The following CDH4 variants were observed in gnomAD, a reference collection of about 807,000 sequenced individuals.
CDH4 encodes the protein cadherin 4.
In CDH4, 33 loss-of-function variants were observed where a neutral mutation model predicts 86.0. That is an observed-to-expected ratio of 0.38 (90% CI 0.29 to 0.51). The LOEUF (loss-of-function observed/expected upper bound fraction) is 0.51, where lower values mean the gene tolerates loss of function less well. Among genes scored for constraint, CDH4 ranks in the 20% least tolerant of loss-of-function variants. The pLI is 0.86. For missense variants in CDH4, 1,114 were observed against 1,307.4 expected (o/e 0.85, Z 2.28); for synonymous variants, 555 against 549.4 (o/e 1.01, Z -0.14).
At chr20:61,858,155 CTG>C (rs1373546879) in intron 6 of CDH4, among the ~76,000 whole-genome samples, 1 of 112,506 alleles carries the variant, frequency 8.9e-6, no homozygotes, top group Non-Finnish European at 1.8e-5. Flanking sequence ...GTGTCTGTGT[CTG>C]TGTGTCTCTG....
At chr20:61,917,897 G>C (rs1025930472) in intron 9 of CDH4, among the ~76,000 whole-genome samples, 2 of 152,246 alleles carry the variant, frequency 1.3e-5, no homozygotes, top group African/African-American at 4.8e-5. Context: ...TCCTTGCTCA[G>C]GCTGGTGACA....
intron 2 of CDH4, among the ~76,000 whole-genome samples, chr20:61,346,221 G>A (rs531113396): frequency 6.6e-6 from 1 of 152,152 alleles, no homozygotes; most frequent in Non-Finnish European, 1.5e-5. Flanking sequence ...GGGAACAGCA[G>A]AGGCAGGGGA....
At chr20:61,717,235 G>A (rs539266104) in intron 2 of CDH4, among the ~76,000 whole-genome samples, 26 of 152,310 alleles carry the variant, frequency 1.7e-4, no homozygotes, top group South Asian at 4.2e-4. Flanking sequence ...GCAGGGGAGC[G>A]GGAGCAGCCC....
chr20:61,719,830 AT>A (rs2088010961), intron 2 of CDH4: 1 of 152,144 alleles, frequency 6.6e-6, no homozygotes, highest in Non-Finnish European at 1.5e-5. Flanking sequence ...TTCGCTTGTA[AT>A]TGTTTTTTAA....
chr20:61,296,284 C>CGTGCGT (rs2084353427), intron 2 of CDH4, among the ~76,000 whole-genome samples: 1 of 86,192 alleles, frequency 1.2e-5, no homozygotes, highest in African/African-American at 4.7e-5. Flanking sequence ...TGCGTGGGTG[C>CGTGCGT]GTGTGTGTGT....
chr20:61,371,163 G>A (rs748641825), intron 2 of CDH4, among the ~76,000 whole-genome samples: 27 of 151,916 alleles, frequency 1.8e-4, no homozygotes, highest in South Asian at 4.1e-4. Flanking sequence ...GAGCCCTGCA[G>A]AAGGCTCTAG....
At chr20:61,387,433 CACAA>C (rs200856932) in intron 2 of CDH4, among the ~76,000 whole-genome samples, 3,796 of 149,692 alleles carry the variant, frequency 0.025, 110 homozygotes, top group African/African-American at 0.072. Flanking sequence ...CACACAGCCA[CACAA>C]ACAGAGAAAC....
intron 3 of CDH4, among the ~76,000 whole-genome samples, chr20:61,770,655 G>A (rs915382938): frequency 6.6e-6 from 1 of 152,190 alleles, no homozygotes; most frequent in African/African-American, 2.4e-5. Context: ...AGGCTGAGAC[G>A]GGAGGATCAC....
chr20:61,437,116 G>T (rs6089314), intron 2 of CDH4: 1 of 152,204 alleles, frequency 6.6e-6, no homozygotes, highest in South Asian at 2.1e-4. Flanking sequence ...CAAGGAGACC[G>T]TAGAAAGGAA....
chr20:61,368,452 A>G (rs2084822666), intron 2 of CDH4, among the ~76,000 whole-genome samples: 1 of 152,198 alleles, frequency 6.6e-6, no homozygotes, highest in Non-Finnish European at 1.5e-5. Flanking sequence ...TGCACCAGAC[A>G]CTGAATCTGC....
chr20:61,668,942 C>T (rs976199365), intron 2 of CDH4, among the ~76,000 whole-genome samples: 5 of 152,240 alleles, frequency 3.3e-5, no homozygotes, highest in African/African-American at 1.2e-4. Context: ...CAGCCCCTCT[C>T]TCCAGTCTGT....
At chr20:61,861,748 C>T (rs1272877711) in intron 6 of CDH4, among the ~76,000 whole-genome samples, 3 of 152,186 alleles carry the variant, frequency 2.0e-5, no homozygotes, top group African/African-American at 7.2e-5. Context: ...GCGTCACGTA[C>T]ACCATCAGGC....
chr20:61,679,978 C>T (rs1001260045), intron 2 of CDH4, among the ~76,000 whole-genome samples: 43 of 152,196 alleles, frequency 2.8e-4, no homozygotes, highest in South Asian at 1.7e-3. Flanking sequence ...AGGAGACCCT[C>T]GTACCCGAGT....
At chr20:61,827,222 C>T (rs6121814) in intron 4 of CDH4, among the ~76,000 whole-genome samples, 17,848 of 152,030 alleles carry the variant, frequency 0.12, 1,749 homozygotes, top group African/African-American at 0.26. Context: ...GGAATCAACG[C>T]GTCCGTCTAT....
intron 15 of CDH4, among the ~76,000 whole-genome samples, 163 bp from the exon 16 acceptor site, chr20:61,936,574 C>T (rs942416718): frequency 2.0e-5 from 3 of 150,232 alleles, no homozygotes; most frequent in Non-Finnish European, 3.0e-5. Flanking sequence ...CTTTTCTACT[C>T]GGAAATGCCC....
At chr20:61,808,037 G>A (rs988566405) in intron 4 of CDH4, among the ~76,000 whole-genome samples, 4 of 152,078 alleles carry the variant, frequency 2.6e-5, no homozygotes, top group African/African-American at 7.2e-5. Context: ...TGGGAATCCC[G>A]GCACAAGGGA....
chr20:61,804,102 G>A (rs1292435851), intron 4 of CDH4, among the ~76,000 whole-genome samples: 3 of 152,274 alleles, frequency 2.0e-5, no homozygotes, highest in East Asian at 1.9e-4. Context: ...GACAGAAAAC[G>A]TGTCAAGCTG....
At chr20:61,928,573 C>A (rs939712381) in intron 12 of CDH4, 150 bp downstream of exon 12, 1 of 666,984 alleles carries the variant, frequency 1.5e-6, no homozygotes, top group Non-Finnish European at 2.6e-6. Context: ...ACTGGCCACG[C>A]TTCAGCTGCT....
At chr20:61,661,673 C>T (rs1185226016) in intron 2 of CDH4, among the ~76,000 whole-genome samples, 1 of 152,018 alleles carries the variant, frequency 6.6e-6, no homozygotes, top group Non-Finnish European at 1.5e-5. Flanking sequence ...GTCACCTTTG[C>T]CTTTGTGTTT....
Sources: gnomAD v4.1 joint callset for allele counts (sites outside exome capture counted in the v4.1 genomes callset) on GRCh38, gnomAD v4.1.1 for gene constraint, MANE v1.5 for transcripts, NCBI Gene and HGNC (gene_info 2026-07-23, HGNC 2026-07-21) for gene names.